The following BLM variants were observed in gnomAD, a reference collection of about 807,000 sequenced individuals.
The protein encoded by BLM is BLM RecQ like helicase, also known as recQ-like DNA helicase BLM.
A neutral mutation model predicts 135.3 loss-of-function variants in BLM; 95 were observed. The observed-to-expected ratio is 0.70, with a 90% CI of 0.59 to 0.83. BLM has a LOEUF of 0.83. Ranked by LOEUF, BLM falls within the 40% of genes least tolerant of loss-of-function variation. The pLI is 0.00. For synonymous variants in BLM, 520 were observed against 589.2 expected, an observed-to-expected ratio of 0.88 and a Z score of 1.70; for missense variants, 1,518 against 1,663.9, an observed-to-expected ratio of 0.91 and a Z score of 1.53.
chr15:90,728,705 C>T lies in BLM; in HGVS notation c.-5+11265C>T, dbSNP rs141419492. On this transcript the variant is annotated intron_variant, in intron 1 of 21. Transcript: ENST00000355112. Reference sequence around the variant, plus strand: ...ACAGGCATGAGCCACTGCACCCGGCCGGGTATTTAAATTTTTGATGTCATC... The same window carrying T: ...ACAGGCATGAGCCACTGCACCCGGCTGGGTATTTAAATTTTTGATGTCATC... Among the ~76,000 whole-genome samples, 226 of 152,118 alleles carry T rather than the reference C, an allele frequency of 1.5e-3. 1 individual carries two copies. Among genetic ancestry groups the T allele is most frequent in the African/African-American group, 5.1e-3 (213 of 41,496 alleles).
At chr15:90,769,353 A>C (rs1896232088) in intron 11 of BLM, 85 bp from the exon 12 acceptor site, 21 of 1,562,854 alleles carry the variant, frequency 1.3e-5, no homozygotes, top group South Asian at 1.2e-4. Flanking sequence ...AGAATAAGGT[A>C]GTTCTTAATA....
At chr15:90,780,650 T>C (rs1427834329) in intron 12 of BLM, among the ~76,000 whole-genome samples, 4 of 152,198 alleles carry the variant, frequency 2.6e-5, no homozygotes, top group African/African-American at 4.8e-5. Context: ...AGAAAAATAG[T>C]TTCTGAAAGT....
chr15:90,755,075 A>T lies in BLM; in HGVS notation c.1087+137A>T, dbSNP rs533211202. The T allele has an allele frequency of 2.6e-6, 3 of 1,135,590 alleles. No homozygotes were observed. The African/African-American group carries it at 4.7e-5, about 18-fold the overall frequency. 70.3% of individuals were successfully genotyped at this position (1,135,590 alleles called of 1,614,324 possible). ...TTGTAGTTTCTTTTCTTCTAATGTC[A>T]TAACCTTGTTTACTGGTTAGCCAGC... On this transcript the variant is annotated intron_variant, in intron 5 of 21. Transcript: ENST00000355112.
intron 10 of BLM, among the ~76,000 whole-genome samples, chr15:90,767,952 C>CTTTTTTTTTTTT (rs796611948): frequency 7.2e-6 from 1 of 138,374 alleles, no homozygotes; most frequent in African/African-American, 2.6e-5. Flanking sequence ...CTTTTTTTTT[C>CTTTTTTTTTTTT]TTTTTTTTTT....
intron 7 of BLM, among the ~76,000 whole-genome samples, chr15:90,761,792 G>A (rs1895995040): frequency 2.0e-5 from 3 of 152,032 alleles, no homozygotes; most frequent in Admixed American, 1.3e-4. Context: ...TGCTATGTTG[G>A]GCGCCGATCA....
chr15:90,729,574 G>T lies in BLM; in HGVS notation c.-5+12134G>T, dbSNP rs115241551. 7.8e-3 allele frequency among the ~76,000 whole-genome samples: 1,193 copies of T among 152,224 alleles called. 13 individuals carry two copies. The highest frequency in any genetic ancestry group is 0.028 in the African/African-American group (1,151 of 41,542). ...GTCCTCCTGAAGTTGCCATCTTTCT[G>T]GTCTGTCATCTTATTTCCTCTTCCA... On this transcript the variant is annotated intron_variant, in intron 1 of 21. Transcript: ENST00000355112.
chr15:90,768,158 G>T (rs1394546503), intron 10 of BLM, among the ~76,000 whole-genome samples: 1 of 151,998 alleles, frequency 6.6e-6, no homozygotes, highest in Non-Finnish European at 1.5e-5. Flanking sequence ...GGCCAGGCTG[G>T]TCTCAAACTC....
At chr15:90,809,505 T>A (rs1378388542) in intron 20 of BLM, among the ~76,000 whole-genome samples, 1 of 152,142 alleles carries the variant, frequency 6.6e-6, no homozygotes, top group East Asian at 1.9e-4. Context: ...GGTTGCTGGT[T>A]CCCGTAATGC....
intron 1 of BLM, among the ~76,000 whole-genome samples, chr15:90,723,548 G>A (rs1567221036): frequency 6.6e-6 from 1 of 152,048 alleles, no homozygotes; most frequent in African/African-American, 2.4e-5. Flanking sequence ...AGATTCTCCA[G>A]AGGCTGAGGC....
intron 12 of BLM, 89 bp downstream of exon 12, chr15:90,769,675 G>A (rs1235985849): frequency 5.7e-6 from 8 of 1,398,670 alleles, no homozygotes; most frequent in African/African-American, 2.9e-5. Flanking sequence ...GCGCTTTAAC[G>A]CCACCACCCC....
At chr15:90,722,788 G>A (rs1872514111) in intron 1 of BLM, among the ~76,000 whole-genome samples, 1 of 152,082 alleles carries the variant, frequency 6.6e-6, no homozygotes, top group Non-Finnish European at 1.5e-5. Context: ...GACCCCAGAA[G>A]TGTATCTTTC....
At position 90,809,680 on chromosome 15, in the gene BLM, T is replaced by G. The variant is rs148031793; in HGVS notation, c.3874+421T>G. ...CATGTCTAAAGATAAAATTTAAGAC[T>G]AGTGTTTAAATGTTTTGGAGAAATG... On this transcript the variant is annotated intron_variant, in intron 20 of 21. Transcript: ENST00000355112. Among the ~76,000 whole-genome samples, 323 of 152,308 alleles carry G rather than the reference T, an allele frequency of 2.1e-3. 1 individual carries two copies. Among genetic ancestry groups the G allele is most frequent in the African/African-American group, 7.5e-3 (312 of 41,572 alleles).
At chr15:90,766,613 A>G (rs887872998) in intron 9 of BLM, among the ~76,000 whole-genome samples, 1 of 152,034 alleles carries the variant, frequency 6.6e-6, no homozygotes, top group African/African-American at 2.4e-5. Flanking sequence ...TTTTCAGTAG[A>G]GATGGGGTTT....
chr15:90,728,483 G>A (rs546832856), intron 1 of BLM, among the ~76,000 whole-genome samples: 4 of 152,196 alleles, frequency 2.6e-5, no homozygotes, highest in Non-Finnish European at 4.4e-5. Context: ...CGCAACCACC[G>A]CCTTCCAGGC....
At chr15:90,746,393 C>T (rs1208770954) in intron 1 of BLM, among the ~76,000 whole-genome samples, 1 of 152,066 alleles carries the variant, frequency 6.6e-6, no homozygotes, top group Non-Finnish European at 1.5e-5. Flanking sequence ...GGAAAAGAAG[C>T]AGAAATAATT....
chr15:90,749,089 G>A (rs925815257), intron 2 of BLM, among the ~76,000 whole-genome samples: 3 of 152,032 alleles, frequency 2.0e-5, no homozygotes, highest in African/African-American at 4.8e-5. Flanking sequence ...CTGTCACCCC[G>A]CTCTGGAGAT....
chr15:90,768,255 G>GAT (rs1444504734), intron 10 of BLM, among the ~76,000 whole-genome samples: 1 of 151,984 alleles, frequency 6.6e-6, no homozygotes, highest in Admixed American at 6.6e-5. Flanking sequence ...CATATTTATT[G>GAT]ATACTAGCAT....
At chr15:90,788,650 T>A (rs988443375) in intron 14 of BLM, among the ~76,000 whole-genome samples, 4 of 151,988 alleles carry the variant, frequency 2.6e-5, no homozygotes, top group Non-Finnish European at 4.4e-5. Flanking sequence ...CAGGAAAACA[T>A]GTAAAAACAA....
intron 1 of BLM, among the ~76,000 whole-genome samples, chr15:90,744,779 G>A (rs972494933): frequency 2.6e-5 from 4 of 152,074 alleles, no homozygotes; most frequent in African/African-American, 9.7e-5. Context: ...GCTGGGCGCG[G>A]TGGCTCACAC....
Sources: allele counts gnomAD v4.1 joint callset (sites outside exome capture counted in the v4.1 genomes callset), GRCh38; gene constraint gnomAD v4.1.1; transcripts MANE v1.5; gene names NCBI Gene and HGNC (gene_info 2026-07-23, HGNC 2026-07-21).